LZTFL1: variants seen among roughly 807,000 people sequenced by gnomAD.
The protein encoded by LZTFL1 is leucine zipper transcription factor-like protein 1.
A neutral mutation model predicts 45.9 loss-of-function variants in LZTFL1; 25 were observed. That is an observed-to-expected ratio of 0.54 (90% CI 0.40 to 0.76). The LOEUF (loss-of-function observed/expected upper bound fraction) is 0.76, where lower values mean the gene tolerates loss of function less well. LZTFL1 is among the 30% of genes least tolerant of loss of function. LZTFL1 has a pLI of 0.00. For synonymous variants in LZTFL1, 93 were observed against 117.4 expected (o/e 0.79, Z 1.35); for missense variants, 277 against 331.1 (o/e 0.84, Z 1.27).
chr3:45,905,271 C>A (rs141592068), intron 2 of LZTFL1, among the ~76,000 whole-genome samples: 1,990 of 152,322 alleles, frequency 0.013, 20 homozygotes, highest in South Asian at 0.044. Context: ...GTGCTCCTCC[C>A]TTCCAGTTGA....
At chr3:45,844,853 A>G (rs767152136), upstream of LZTFL1, among the ~76,000 whole-genome samples, 2 of 152,254 alleles carry the variant, frequency 1.3e-5, no homozygotes, top group African/African-American at 4.8e-5. Context: ...TGAAATCACT[A>G]TCACATGCAT....
At chr3:45,911,562 G>A (rs1252471641) in intron 2 of LZTFL1, among the ~76,000 whole-genome samples, 2 of 152,248 alleles carry the variant, frequency 1.3e-5, no homozygotes, top group East Asian at 3.8e-4. Context: ...TGAAGTTCAA[G>A]CACTGATGTT....
chr3:45,911,878 T>C (rs1428648788), intron 2 of LZTFL1, among the ~76,000 whole-genome samples: 1 of 152,288 alleles, frequency 6.6e-6, no homozygotes, highest in Non-Finnish European at 1.5e-5. Flanking sequence ...GATGTGAATG[T>C]CTTTTTAGAA....
chr3:45,831,541 A>G (rs551581955), intron 5 of LZTFL1, among the ~76,000 whole-genome samples: 1 of 152,338 alleles, frequency 6.6e-6, no homozygotes, highest in South Asian at 2.1e-4. Context: ...TACCATGCTC[A>G]AGCCCACAGA....
chr3:45,865,093 T>G (rs941095309), intron 2 of LZTFL1, among the ~76,000 whole-genome samples: 8 of 152,200 alleles, frequency 5.3e-5, no homozygotes, highest in Admixed American at 4.6e-4. Context: ...TCTATCACTC[T>G]CCAGAAGGGT....
At chr3:45,912,334 C>T (rs1042655298) in intron 2 of LZTFL1, among the ~76,000 whole-genome samples, 1 of 152,158 alleles carries the variant, frequency 6.6e-6, no homozygotes, top group Non-Finnish European at 1.5e-5. Flanking sequence ...AAAATGGTCC[C>T]AATTCTCTAC....
chr3:45,871,000 C>T (rs1701662781), intron 2 of LZTFL1, among the ~76,000 whole-genome samples: 1 of 152,088 alleles, frequency 6.6e-6, no homozygotes, highest in Non-Finnish European at 1.5e-5. Flanking sequence ...AGAAACATGC[C>T]CTGGGAATCT....
rs529503058 is a variant in LZTFL1 at position 45,876,741 on chromosome 3, G to A, written c.-214-17725C>T. On this transcript the variant is annotated intron_variant, in intron 2 of 4. Transcript: ENST00000472635. ...AAGCACCGTCTTGACACCAAAGCCT[G>A]TGATCCTGGCTTAGTTCACCTGTGT... Among the ~76,000 whole-genome samples, 3 of 152,334 alleles carry A rather than the reference G, an allele frequency of 2.0e-5. No homozygotes were observed. The East Asian group carries it at 5.8e-4, about 29-fold the overall frequency.
exon 1 of LZTFL1, chr3:45,915,463 T>C (rs1559432953): frequency 4.4e-6 from 2 of 454,690 alleles, no homozygotes; most frequent in Non-Finnish European, 8.8e-6. Context: ...GGCTTCCTTC[T>C]CTCCTCCGAG....
chr3:45,843,993 GTGTA>G (rs1226549372), upstream of LZTFL1, among the ~76,000 whole-genome samples: 1 of 152,092 alleles, frequency 6.6e-6, no homozygotes, highest in East Asian at 1.9e-4. Flanking sequence ...GTATGTGTGA[GTGTA>G]TGTGTGTGTG....
chr3:45,834,370 T>C (rs576672198), intron 3 of LZTFL1, 72 bp from the exon 4 acceptor site: 4 of 978,716 alleles, frequency 4.1e-6, no homozygotes, highest in South Asian at 2.8e-5. Context: ...AAGAGTAAAA[T>C]CACTGGTACC....
At chr3:45,884,432 G>A (rs193184632) in intron 2 of LZTFL1, among the ~76,000 whole-genome samples, 1 of 152,078 alleles carries the variant, frequency 6.6e-6, no homozygotes, top group African/African-American at 2.4e-5. Flanking sequence ...TGCATCCCAG[G>A]AGAGGGCATG....
chr3:45,875,440 G>A (rs1701734447), intron 2 of LZTFL1, among the ~76,000 whole-genome samples: 2 of 152,126 alleles, frequency 1.3e-5, no homozygotes, highest in Admixed American at 6.5e-5. Flanking sequence ...TTCAAATCCT[G>A]GCTCTAGCAC....
At chr3:45,846,303 T>C (rs930664526), upstream of LZTFL1, among the ~76,000 whole-genome samples, 3 of 152,274 alleles carry the variant, frequency 2.0e-5, no homozygotes, top group Non-Finnish European at 2.9e-5. Context: ...CTTATGTTTT[T>C]ATATAACTAC....
At chr3:45,843,020 A>G (rs1701157510), upstream of LZTFL1, among the ~76,000 whole-genome samples, 1 of 152,240 alleles carries the variant, frequency 6.6e-6, no homozygotes, top group Admixed American at 6.5e-5. Context: ...AAGAACAGTA[A>G]ACAAGGTTCT....
At chr3:45,869,690 C>T (rs540691313) in intron 2 of LZTFL1, among the ~76,000 whole-genome samples, 3 of 152,206 alleles carry the variant, frequency 2.0e-5, no homozygotes, top group Non-Finnish European at 4.4e-5. Flanking sequence ...TGGGCATGGC[C>T]TTGGTAGGGA....
intron 1 of LZTFL1, among the ~76,000 whole-genome samples, chr3:45,840,012 AG>A (rs995797016): frequency 5.1e-4 from 77 of 152,160 alleles, no homozygotes; most frequent in African/African-American, 1.8e-3. Flanking sequence ...CTTTTTTTTC[AG>A]GTCTTGCTCT....
rs1306464626 is a variant in LZTFL1 at position 45,901,522 on chromosome 3, A to G, written c.-215+11598T>C. ...ATCATTCACACCCTGATACAAGCCA[A>G]GAAGTCTTCCAAGCACAAAGCCCTA... On this transcript the variant is annotated intron_variant, in intron 2 of 4. Coordinates refer to the LZTFL1 transcript ENST00000472635. This position sits in a 1 kb window ranked among gnomAD's most constrained non-coding sequence, Gnocchi z 4.3. The G allele has an allele frequency of 1.2e-6, 2 of 1,614,218 alleles. No homozygotes were observed. Among genetic ancestry groups the G allele is most frequent in the Non-Finnish European group, 1.7e-6 (2 of 1,180,034 alleles).
intron 4 of LZTFL1, among the ~76,000 whole-genome samples, chr3:45,850,356 G>A (rs1471191817): frequency 2.0e-5 from 3 of 152,134 alleles, no homozygotes; most frequent in African/African-American, 7.2e-5. Flanking sequence ...AGTATGCAGA[G>A]GCTACCAGCC....
Sources: gnomAD v4.1 joint callset for allele counts (sites outside exome capture counted in the v4.1 genomes callset) on GRCh38, gnomAD v4.1.1 for gene constraint, Gnocchi (gnomAD v3.1) non-coding constraint, MANE v1.5 for transcripts, NCBI Gene and HGNC (gene_info 2026-07-23, HGNC 2026-07-21) for gene names.